Variants in ARPP21 observed in about 807,000 individuals in gnomAD.
ARPP21 encodes cAMP-regulated phosphoprotein 21.
Under a neutral mutation model 113.2 loss-of-function variants are expected in ARPP21, and 69 were observed. That is an observed-to-expected ratio of 0.61 (90% CI 0.50 to 0.74). The LOEUF (loss-of-function observed/expected upper bound fraction) is 0.74. ARPP21 is among the 30% of genes least tolerant of loss of function. The pLI is 0.00. For missense variants in ARPP21, 1,070 were observed against 1,037.4 expected (o/e 1.03, Z -0.43); for synonymous variants, 368 against 375.5 (o/e 0.98, Z 0.23).
At chr3:35,668,011 G>GAAGAAGAAGAAGAAA (rs1559549977) in intron 1 of ARPP21, among the ~76,000 whole-genome samples, 114 of 150,094 alleles carry the variant, frequency 7.6e-4, no homozygotes, top group African/African-American at 2.7e-3. Flanking sequence ...AGAAGAAGAA[G>GAAGAAGAAGAAGAAA]AAGAAGAAGA....
intron 9 of ARPP21, among the ~76,000 whole-genome samples, chr3:35,705,076 T>C (rs2088237316): frequency 6.6e-6 from 1 of 152,102 alleles, no homozygotes. Context: ...GTAAATCATT[T>C]CACTTAACTG....
chr3:35,696,849 G>T (rs1370384962), intron 9 of ARPP21, among the ~76,000 whole-genome samples: 3 of 151,358 alleles, frequency 2.0e-5, no homozygotes, highest in African/African-American at 4.8e-5. Context: ...AAGAAATTTT[G>T]CCCTTCTCTT....
chr3:35,653,323 T>C (rs1462590522), intron 1 of ARPP21, among the ~76,000 whole-genome samples: 1 of 152,036 alleles, frequency 6.6e-6, no homozygotes, highest in Admixed American at 6.6e-5. Context: ...TGAATTACCC[T>C]GTAATATGTA....
chr3:35,730,211 G>A (rs1409815369), intron 15 of ARPP21, among the ~76,000 whole-genome samples: 2 of 152,110 alleles, frequency 1.3e-5, no homozygotes, highest in Non-Finnish European at 2.9e-5. Flanking sequence ...CATTTTTCTA[G>A]TGGGTCAGTT....
At chr3:35,712,308 C>A (rs182179959) in intron 11 of ARPP21, among the ~76,000 whole-genome samples, 1 of 152,096 alleles carries the variant, frequency 6.6e-6, no homozygotes, top group African/African-American at 2.4e-5. Context: ...GCTAACAAAG[C>A]GGCTTTCCTT....
chr3:35,668,517 C>G (rs1031250551), intron 1 of ARPP21, among the ~76,000 whole-genome samples: 1 of 152,238 alleles, frequency 6.6e-6, no homozygotes, highest in Admixed American at 6.5e-5. Context: ...GAGTTGCCAG[C>G]AGAGAGCTAG....
intron 19 of ARPP21, among the ~76,000 whole-genome samples, chr3:35,758,761 C>A (rs1300033378): frequency 6.6e-6 from 1 of 151,886 alleles, no homozygotes; most frequent in Non-Finnish European, 1.5e-5. Flanking sequence ...TTAATGAAAC[C>A]AGTTCAGCTG....
rs1205253002 is a variant in ARPP21, at chr3:35,667,965, AG to A, written c.-212-11821del. Reference sequence around the variant, plus strand: ...GAAGAAGAAAAGAAGAAGAAGAAGAAGAAGAAGAAGAAGAAGAAGAAGAAGA... The same window carrying A: ...GAAGAAGAAAAGAAGAAGAAGAAGAAAAGAAGAAGAAGAAGAAGAAGAAGA... On this transcript the variant is annotated intron_variant, in intron 1 of 20. Coordinates refer to ENST00000684406, the MANE Select transcript of ARPP21 (RefSeq NM_001385562.1). Among the ~76,000 whole-genome samples the A allele has an allele frequency of 2.1e-4, 22 of 105,436 alleles. 1 individual carries two copies. Among genetic ancestry groups the A allele is most frequent in the African/African-American group, 8.0e-4 (22 of 27,644 alleles). The allele number at this position is 105,436 out of a possible 152,430, so 69.2% of individuals were successfully genotyped here. A position where few individuals can be genotyped will look rare whatever the true frequency, so the allele number is the denominator to read the frequency against.
intron 9 of ARPP21, among the ~76,000 whole-genome samples, chr3:35,705,928 A>G (rs911226981): frequency 2.0e-5 from 3 of 152,114 alleles, no homozygotes; most frequent in Non-Finnish European, 2.9e-5. Flanking sequence ...CTACTTCTTT[A>G]TTTTCAAAGT....
intron 19 of ARPP21, among the ~76,000 whole-genome samples, chr3:35,781,066 C>G (rs976747897): frequency 6.6e-6 from 1 of 152,072 alleles, no homozygotes; most frequent in East Asian, 1.9e-4. Flanking sequence ...TCTTAGACCA[C>G]GTGGTCCTGC....
intron 19 of ARPP21, among the ~76,000 whole-genome samples, chr3:35,769,512 G>C (rs915073726): frequency 6.6e-6 from 1 of 152,118 alleles, no homozygotes; most frequent in Non-Finnish European, 1.5e-5. Context: ...CCTTGACACA[G>C]CCCCGCTTTG....
At chr3:35,787,286 A>G (rs1229125771) in intron 19 of ARPP21, among the ~76,000 whole-genome samples, 1 of 152,256 alleles carries the variant, frequency 6.6e-6, no homozygotes, top group Admixed American at 6.5e-5. Context: ...GGCAGCCAGT[A>G]GCCTGGAACA....
chr3:35,706,924 T>C (rs761880543), intron 9 of ARPP21, 50 bp from the exon 10 acceptor site: 3 of 1,424,430 alleles, frequency 2.1e-6, no homozygotes, highest in South Asian at 2.5e-5. Context: ...AAAATAACTT[T>C]AAACAAGGGG....
At chr3:35,734,564 A>G (rs2094214247) in intron 15 of ARPP21, among the ~76,000 whole-genome samples, 2 of 152,240 alleles carry the variant, frequency 1.3e-5, no homozygotes, top group South Asian at 4.1e-4. Context: ...TGGTTATGAA[A>G]CAGATCAGAA....
At chr3:35,766,947 T>C (rs2096002840) in intron 19 of ARPP21, among the ~76,000 whole-genome samples, 2 of 152,216 alleles carry the variant, frequency 1.3e-5, no homozygotes, top group African/African-American at 4.8e-5. Flanking sequence ...ATCCTGCTTA[T>C]TTTATAGCAG....
At chr3:35,710,513 T>G (rs912012658) in intron 11 of ARPP21, among the ~76,000 whole-genome samples, 4 of 148,474 alleles carry the variant, frequency 2.7e-5, no homozygotes, top group African/African-American at 1.0e-4. Context: ...TTGTTCTTAT[T>G]CTCTCTCTCT....
At chr3:35,671,869 A>G (rs1333726626) in intron 1 of ARPP21, among the ~76,000 whole-genome samples, 3 of 152,018 alleles carry the variant, frequency 2.0e-5, no homozygotes, top group African/African-American at 7.2e-5. Context: ...TAAATCATGC[A>G]ATTAATGATG....
chr3:35,785,355 C>T (rs1244182832), intron 19 of ARPP21: 1 of 152,090 alleles, frequency 6.6e-6, no homozygotes. Flanking sequence ...GCACTATGGG[C>T]CAGGAAAGTT....
rs950681921 is a variant in ARPP21 at position 35,715,138 on chromosome 3, C to T, written c.898-301C>T. On this transcript the variant is annotated intron_variant, in intron 11 of 20. Transcript: ENST00000684406. ...CAGAAGAAACCACTAGCTCGGAATC[C>T]GACGGCCACACGTTTCTCCAGCTGT... The T allele has an allele frequency of 1.5e-5, 4 of 265,076 alleles. 1 individual carries two copies. Among genetic ancestry groups the T allele is most frequent in the Non-Finnish European group, 2.9e-5 (4 of 137,032 alleles). The allele number at this position is 265,076 out of a possible 1,614,324, so 16.4% of individuals were successfully genotyped here. A position where few individuals can be genotyped will look rare whatever the true frequency, so the allele number is the denominator to read the frequency against.
Sources: gnomAD v4.1 joint callset for allele counts (sites outside exome capture counted in the v4.1 genomes callset) on GRCh38, gnomAD v4.1.1 for gene constraint, MANE v1.5 for transcripts, NCBI Gene and HGNC (gene_info 2026-07-23, HGNC 2026-07-21) for gene names.